Variants in COBL observed in about 807,000 individuals in gnomAD.
COBL encodes the protein cordon-bleu WH2 repeat protein.
COBL carries 51 observed loss-of-function variants against 98.8 expected under a neutral mutation model. That is an observed-to-expected ratio of 0.52 (90% CI 0.41 to 0.65). The LOEUF is 0.65. Among genes scored for constraint, COBL ranks in the 30% least tolerant of loss-of-function variants. COBL has a pLI of 0.00. For missense variants in COBL, 1,617 were observed against 1,617.5 expected (o/e 1.00, Z 0.01); for synonymous variants, 634 against 651.7 (o/e 0.97, Z 0.41).
intron 1 of COBL, among the ~76,000 whole-genome samples, chr7:51,256,203 C>T (rs1213527293): frequency 6.6e-6 from 1 of 152,122 alleles, no homozygotes; most frequent in Non-Finnish European, 1.5e-5. Flanking sequence ...ATTGACTCCT[C>T]ATCATATTGC....
intron 7 of COBL, among the ~76,000 whole-genome samples, chr7:51,061,946 T>TACACACACACAC (rs1395412693): frequency 0.18 from 17,232 of 95,658 alleles, 1,308 homozygotes; most frequent in Admixed American, 0.24. Flanking sequence ...CTCCCCACCA[T>TACACACACACAC]AGATACACAC....
intron 2 of COBL, among the ~76,000 whole-genome samples, chr7:51,204,803 C>A (rs1187385468): frequency 6.6e-6 from 1 of 152,076 alleles, no homozygotes; most frequent in Non-Finnish European, 1.5e-5. Flanking sequence ...TCCGCCTTGG[C>A]CTCCCAATGT....
At chr7:51,024,897 T>C (rs1244330007) in intron 12 of COBL, among the ~76,000 whole-genome samples, 2 of 152,116 alleles carry the variant, frequency 1.3e-5, no homozygotes, top group African/African-American at 4.8e-5. Flanking sequence ...GCACCTACCA[T>C]GCAGGAGGCT....
chr7:51,029,623 G>T, intron 9 of COBL, 32 bp from the exon 10 acceptor site: 1 of 1,539,836 alleles, frequency 6.5e-7, no homozygotes, highest in Non-Finnish European at 8.8e-7. Flanking sequence ...AATCACAGAT[G>T]TTTCCCACAC....
At chr7:51,279,518 G>A (rs1049505122) in intron 1 of COBL, among the ~76,000 whole-genome samples, 8 of 152,072 alleles carry the variant, frequency 5.3e-5, no homozygotes, top group African/African-American at 1.9e-4. Flanking sequence ...TGAGAGGGAG[G>A]TGCAGAGATT....
At chr7:51,288,039 T>A (rs1800534267) in intron 1 of COBL, among the ~76,000 whole-genome samples, 1 of 152,148 alleles carries the variant, frequency 6.6e-6, no homozygotes, top group Non-Finnish European at 1.5e-5. Flanking sequence ...GATGAAAGTG[T>A]TCTGTGTGCT....
chr7:51,060,703 T>G (rs1791258764), intron 7 of COBL, among the ~76,000 whole-genome samples: 1 of 152,170 alleles, frequency 6.6e-6, no homozygotes, highest in Non-Finnish European at 1.5e-5. Flanking sequence ...TCCTCATGAC[T>G]TTTATGTTCT....
intron 1 of COBL, among the ~76,000 whole-genome samples, chr7:51,298,164 G>A (rs115859161): frequency 0.011 from 1,699 of 152,254 alleles, 35 homozygotes; most frequent in African/African-American, 0.039. Context: ...CATACGGAGA[G>A]GCCACATGGC....
chr7:51,086,386 A>C (rs1794248031), intron 6 of COBL, among the ~76,000 whole-genome samples: 1 of 138,246 alleles, frequency 7.2e-6, no homozygotes. Context: ...AAAAAAAAAG[A>C]ATGAACATGG....
chr7:51,233,568 G>A (rs145742847), intron 1 of COBL, among the ~76,000 whole-genome samples: 18 of 152,290 alleles, frequency 1.2e-4, no homozygotes, highest in Non-Finnish European at 2.1e-4. Context: ...CATCTCTGCC[G>A]CCTGCTGATA....
intron 5 of COBL, among the ~76,000 whole-genome samples, chr7:51,163,253 C>A (rs7792847): frequency 0.085 from 12,878 of 152,278 alleles, 651 homozygotes; most frequent in Middle Eastern, 0.14. Context: ...GTAAAAACAA[C>A]GGCAGAGTGC....
chr7:51,306,426 T>C lies in COBL; in HGVS notation c.41+10167A>G, dbSNP rs146283743. Among the ~76,000 whole-genome samples the C allele has an allele frequency of 2.6e-3, 400 of 152,334 alleles. 2 individuals are homozygous for C. The highest frequency in any genetic ancestry group is 9.4e-3 in the African/African-American group (389 of 41,584). The stretch of plus-strand genomic sequence containing the variant: ...AGCGAATTTGTGGGTCTGGGTTCTG[T>C]GTAGCTTCTACTTTGAAGGAAGCTC... On this transcript the variant is annotated intron_variant, in intron 1 of 12. Coordinates refer to ENST00000265136, the MANE Select transcript of COBL (RefSeq NM_015198.5).
intron 2 of COBL, among the ~76,000 whole-genome samples, chr7:51,204,053 G>A (rs1309170387): frequency 6.6e-6 from 1 of 152,170 alleles, no homozygotes; most frequent in Non-Finnish European, 1.5e-5. Flanking sequence ...TCCCTGAGAT[G>A]CAAGGATGGT....
chr7:51,284,327 A>T (rs996291826), intron 1 of COBL, among the ~76,000 whole-genome samples: 1 of 151,318 alleles, frequency 6.6e-6, no homozygotes, highest in African/African-American at 2.4e-5. Context: ...AGAATAATAC[A>T]CTACAATCAA....
chr7:51,043,801 G>C (rs797021809), intron 7 of COBL, 109 bp from the exon 8 acceptor site: 8 of 868,732 alleles, frequency 9.2e-6, no homozygotes, highest in Non-Finnish European at 1.4e-5. Context: ...TGGGATTCAG[G>C]GTGCTCAAAG....
rs969019695 is a variant in COBL, at chr7:51,193,674, C to T, written c.246-85G>A. ...GCTAAATAAGGGTAGAACAAATGAA[C>T]AAGTGGATGAATGAGCAAATTAGAT... is the stretch of plus-strand genomic sequence containing the variant. On this transcript the variant is annotated intron_variant, in intron 2 of 12. Transcript: ENST00000265136. 5.7e-6 allele frequency: 7 copies of T among 1,222,762 alleles called. No individual in the cohort carries two copies. The South Asian group carries it at 6.6e-5, about 12-fold the overall frequency. The allele number at this position is 1,222,762 out of a possible 1,614,324, so 75.7% of individuals were successfully genotyped here.
Position 51,028,566 on chromosome 7 carries a change from C to T in COBL, c.2530G>A (p.Val844Met), listed in dbSNP as rs370189979. ...GTGGTGTGAGCTGCTGGCACCCTCA[C>T]GTGACCCATGCCCATGGTGGGGGGC... ...NQPPTMGMGH[V>M]RVPAAHTTEV... is the part of the protein sequence containing the mutation. The change falls in exon 10 of 13, where the codon GTG (valine) becomes ATG (methionine). Residue 844 changes from valine to methionine, a missense_variant. Around this residue, in one of 3 missense-constraint regions of COBL, gnomAD observed 1,304 missense variants for 1,282.0 expected, o/e 1.02. Coordinates refer to ENST00000265136, the MANE Select transcript of COBL (RefSeq NM_015198.5). 1.8e-5 allele frequency: 29 copies of T among 1,614,122 alleles called. No individual in the cohort carries two copies. The highest frequency in any genetic ancestry group is 1.6e-4 in the Middle Eastern group (1 of 6,084).
intron 1 of COBL, among the ~76,000 whole-genome samples, chr7:51,222,905 C>T (rs767272101): frequency 1.3e-5 from 2 of 152,132 alleles, no homozygotes; most frequent in African/African-American, 2.4e-5. Context: ...TTATCCCCAA[C>T]AAATAATCTG....
chr7:51,297,291 C>T (rs1480209082), intron 1 of COBL, among the ~76,000 whole-genome samples: 1 of 152,030 alleles, frequency 6.6e-6, no homozygotes, highest in Non-Finnish European at 1.5e-5. Flanking sequence ...CAGGTGTTAA[C>T]TGGGACTGTC....
Sources: allele counts gnomAD v4.1 joint callset (sites outside exome capture counted in the v4.1 genomes callset), GRCh38; gene constraint gnomAD v4.1.1; regional missense constraint gnomAD v4.1.1; transcripts MANE v1.5; gene names NCBI Gene and HGNC (gene_info 2026-07-23, HGNC 2026-07-21).